Variants in CFAP20DC observed in about 807,000 individuals in gnomAD.
CFAP20DC encodes CFAP20 domain containing.
In CFAP20DC, 84 loss-of-function variants were observed where a neutral mutation model predicts 101.7. The observed-to-expected ratio is 0.83, with a 90% CI of 0.69 to 0.99. The LOEUF (loss-of-function observed/expected upper bound fraction) is 0.99, where lower values mean the gene tolerates loss of function less well. CFAP20DC is among the 50% of genes least tolerant of loss of function. The pLI is 0.00. For synonymous variants in CFAP20DC, 359 were observed against 351.2 expected (o/e 1.02, Z -0.25); for missense variants, 1,007 against 970.3 (o/e 1.04, Z -0.50).
chr3:58,962,633 T>C (rs1232306720), intron 4 of CFAP20DC, among the ~76,000 whole-genome samples: 1 of 152,194 alleles, frequency 6.6e-6, no homozygotes, highest in African/African-American at 2.4e-5. Flanking sequence ...CACTTTGTAC[T>C]AGTAAAGCTT....
At chr3:58,949,728 T>TA (rs1374091239) in intron 4 of CFAP20DC, among the ~76,000 whole-genome samples, 4 of 152,196 alleles carry the variant, frequency 2.6e-5, no homozygotes, top group Non-Finnish European at 5.9e-5. Context: ...CCCTTCATGC[T>TA]AAAAACTCTC....
At chr3:58,969,400 C>T (rs369591393) in intron 4 of CFAP20DC, among the ~76,000 whole-genome samples, 25 of 152,104 alleles carry the variant, frequency 1.6e-4, no homozygotes, top group African/African-American at 3.6e-4. Context: ...GAATATTAAA[C>T]GATACAGCCT....
chr3:58,776,637 T>G (rs1028579730), intron 15 of CFAP20DC, among the ~76,000 whole-genome samples: 1 of 150,384 alleles, frequency 6.6e-6, no homozygotes, highest in Non-Finnish European at 1.5e-5. Context: ...AACTACTCAT[T>G]TCCCAGGTAT....
intron 4 of CFAP20DC, among the ~76,000 whole-genome samples, chr3:58,949,277 A>G (rs1411050555): frequency 2.0e-5 from 3 of 151,756 alleles, no homozygotes; most frequent in African/African-American, 7.3e-5. Flanking sequence ...TTTTGTCTCT[A>G]TTTCCTTCAG....
At chr3:58,950,080 A>T (rs545463344) in intron 4 of CFAP20DC, among the ~76,000 whole-genome samples, 1 of 152,342 alleles carries the variant, frequency 6.6e-6, no homozygotes, top group Admixed American at 6.5e-5. Context: ...AAGTCTCAGG[A>T]TACAAAATCA....
intron 3 of CFAP20DC, among the ~76,000 whole-genome samples, chr3:58,733,365 AC>A (rs1239667847): frequency 6.6e-6 from 1 of 152,030 alleles, no homozygotes; most frequent in Non-Finnish European, 1.5e-5. Context: ...AATAAAAAAA[AC>A]AAAAAAAAAC....
At chr3:58,925,145 T>C (rs144279384) in intron 5 of CFAP20DC, among the ~76,000 whole-genome samples, 225 of 152,290 alleles carry the variant, frequency 1.5e-3, no homozygotes, top group Middle Eastern at 0.01. Flanking sequence ...TTTTTTCTGC[T>C]AGTTATGGGG....
At position 59,002,612 on chromosome 3, in the gene CFAP20DC, T is replaced by A. The variant is rs913076182; in HGVS notation, c.278+36945A>T. Among the ~76,000 whole-genome samples the A allele has an allele frequency of 3.9e-5, 6 of 152,192 alleles. No individual in the cohort carries two copies. The highest frequency in any genetic ancestry group is 1.4e-4 in the African/African-American group (6 of 41,450). On this transcript the variant is annotated intron_variant, in intron 4 of 16. Transcript: ENST00000482387. This position sits in a 1 kb window ranked among gnomAD's most constrained non-coding sequence, Gnocchi z 4.5. ...AAATTTTATGTTCCATTATTCTTTC[T>A]CTCAACCACAAATCTGATCTGATAT... is the stretch of plus-strand genomic sequence containing the variant.
At chr3:59,005,927 C>T (rs2108800446) in intron 4 of CFAP20DC, among the ~76,000 whole-genome samples, 1 of 152,146 alleles carries the variant, frequency 6.6e-6, no homozygotes, top group Non-Finnish European at 1.5e-5. Context: ...ATGTGGTTTT[C>T]AGTGACTCAA....
chr3:59,018,769 A>T (rs944876367), intron 4 of CFAP20DC: 3 of 152,142 alleles, frequency 2.0e-5, no homozygotes, highest in African/African-American at 7.2e-5. Flanking sequence ...GTATGTCTAT[A>T]TCATAGATAG....
At chr3:58,822,727 C>G (rs2075770860) in intron 14 of CFAP20DC, among the ~76,000 whole-genome samples, 1 of 152,104 alleles carries the variant, frequency 6.6e-6, no homozygotes, top group Non-Finnish European at 1.5e-5. Flanking sequence ...AGGTGAACAA[C>G]TAGCTGTCTG....
intron 14 of CFAP20DC, among the ~76,000 whole-genome samples, chr3:58,818,997 C>A (rs2107882898): frequency 6.6e-6 from 1 of 150,990 alleles, no homozygotes; most frequent in Admixed American, 6.6e-5. Context: ...TCACTCAAAC[C>A]CGCTCAACTA....
intron 5 of CFAP20DC, among the ~76,000 whole-genome samples, chr3:58,927,012 G>A (rs1010411087): frequency 6.6e-6 from 1 of 152,192 alleles, no homozygotes; most frequent in East Asian, 1.9e-4. Flanking sequence ...TTACATTAAA[G>A]AAGTAAGATT....
At chr3:58,821,793 G>T (rs1366386161) in intron 14 of CFAP20DC, among the ~76,000 whole-genome samples, 1 of 144,546 alleles carries the variant, frequency 6.9e-6, no homozygotes, top group Non-Finnish European at 1.5e-5. Context: ...TCCCATTACT[G>T]GGTATATACC....
At position 59,014,772 on chromosome 3, in the gene CFAP20DC, T is replaced by A. The variant is rs1241324857; in HGVS notation, c.278+24785A>T. Among the ~76,000 whole-genome samples the A allele has an allele frequency of 6.6e-6, 1 of 152,040 alleles. No individual in the cohort carries two copies. The highest frequency in any genetic ancestry group is 1.5e-5 in the Non-Finnish European group (1 of 67,996). On this transcript the variant is annotated intron_variant, in intron 4 of 16. Coordinates refer to ENST00000482387, the MANE Select transcript of CFAP20DC (RefSeq NM_001394063.1). The surrounding 1 kb of genome is among the most constrained non-coding windows in gnomAD (Gnocchi z 4.9). ...ATATGGTGGTAGTACTACATAATGG[T>A]GGAAGGCAGTAGTACTACATATGGA...
At chr3:58,933,347 A>C (rs890340730) in intron 5 of CFAP20DC, among the ~76,000 whole-genome samples, 3 of 151,590 alleles carry the variant, frequency 2.0e-5, no homozygotes, top group Middle Eastern at 3.2e-3. Context: ...CCCACTGTCA[A>C]CATTAGACAG....
intron 4 of CFAP20DC, among the ~76,000 whole-genome samples, chr3:58,961,132 G>C (rs2091098842): frequency 6.6e-6 from 1 of 152,164 alleles, no homozygotes; most frequent in Non-Finnish European, 1.5e-5. Flanking sequence ...TATGTTTCTA[G>C]ATTTTGTTTT....
In CFAP20DC at chr3:58,914,508, A is replaced by G. The variant is rs927063338; in HGVS notation, c.394-644T>C. Among the ~76,000 whole-genome samples the G allele has an allele frequency of 2.6e-5, 4 of 152,082 alleles. No homozygotes were observed. The highest frequency in any genetic ancestry group is 4.4e-5 in the Non-Finnish European group (3 of 67,996). On this transcript the variant is annotated intron_variant, in intron 5 of 16. Coordinates refer to ENST00000482387, the MANE Select transcript of CFAP20DC (RefSeq NM_001394063.1). The surrounding 1 kb of genome is among the most constrained non-coding windows in gnomAD (Gnocchi z 4.9). Reference sequence around the variant, plus strand: ...TCTGAATGGTTAAAGAAAATGAAAAAAAATCATTTGGCAAGAAACAAAGAC... The same window carrying G: ...TCTGAATGGTTAAAGAAAATGAAAAGAAATCATTTGGCAAGAAACAAAGAC...
chr3:58,835,575 G>A (rs1404656925), intron 13 of CFAP20DC, among the ~76,000 whole-genome samples: 2 of 152,168 alleles, frequency 1.3e-5, no homozygotes, highest in African/African-American at 4.8e-5. Flanking sequence ...TGCTTAAAAT[G>A]CTGCATTTCC....
Sources: gnomAD v4.1 joint callset for allele counts (sites outside exome capture counted in the v4.1 genomes callset) on GRCh38, gnomAD v4.1.1 for gene constraint, Gnocchi (gnomAD v3.1) non-coding constraint, MANE v1.5 for transcripts, NCBI Gene and HGNC (gene_info 2026-07-23, HGNC 2026-07-21) for gene names.